Variants in WWOX observed in about 807,000 individuals in gnomAD.
WWOX encodes the protein WW domain-containing oxidoreductase.
WWOX carries 69 observed loss-of-function variants against 46.2 expected under a neutral mutation model. The observed-to-expected ratio is 1.49, with a 90% CI of 1.23 to 1.82. WWOX has a LOEUF of 1.82. WWOX is among the 40% of genes most tolerant of loss of function. WWOX has a pLI of 0.00. For synonymous variants in WWOX, 359 were observed against 202.6 expected (o/e 1.77, Z -6.56); for missense variants, 919 against 542.6 (o/e 1.69, Z -6.89).
At chr16:78,469,824 C>G (rs1325586786) in intron 8 of WWOX, among the ~76,000 whole-genome samples, 1 of 152,184 alleles carries the variant, frequency 6.6e-6, no homozygotes, top group African/African-American at 2.4e-5. Context: ...CCAAGTGACA[C>G]CTAGAGGTGA....
At chr16:78,754,174 C>T (rs1156720471) in intron 8 of WWOX, among the ~76,000 whole-genome samples, 3 of 151,978 alleles carry the variant, frequency 2.0e-5, no homozygotes, top group Non-Finnish European at 4.4e-5. Flanking sequence ...AACTTGGTCC[C>T]TGGGGATGCC....
rs373915768 is a variant in WWOX, at chr16:79,086,136, C to G, written c.1057-125472C>G. The stretch of plus-strand genomic sequence containing the variant: ...ACTAACAGTCAATATTGTGGCTGCT[C>G]TCAATGTTCTTTAAACGGATCACAT... On this transcript the variant is annotated intron_variant, in intron 8 of 8. Transcript: ENST00000566780. Among the ~76,000 whole-genome samples the G allele has an allele frequency of 3.7e-4, 57 of 152,140 alleles. 1 individual carries two copies. In the South Asian group the frequency reaches 0.011, roughly 30 times the overall value.
intron 8 of WWOX, among the ~76,000 whole-genome samples, chr16:78,454,088 A>T (rs2083754193): frequency 6.6e-6 from 1 of 152,094 alleles, no homozygotes; most frequent in Admixed American, 6.6e-5. Context: ...ATACCCAAGA[A>T]ATTCCCCAGC....
chr16:78,928,264 G>T (rs962643096), intron 8 of WWOX, among the ~76,000 whole-genome samples: 7 of 148,154 alleles, frequency 4.7e-5, no homozygotes, highest in African/African-American at 1.8e-4. Flanking sequence ...GTGCAGTGGC[G>T]CGATCTCGGC....
At chr16:78,203,538 A>G (rs949380184) in intron 5 of WWOX, among the ~76,000 whole-genome samples, 2 of 152,216 alleles carry the variant, frequency 1.3e-5, no homozygotes, top group African/African-American at 2.4e-5. Context: ...GAAATAAAAC[A>G]TATTCAATAA....
chr16:79,076,876 G>A (rs2048667182), intron 8 of WWOX, among the ~76,000 whole-genome samples: 1 of 152,236 alleles, frequency 6.6e-6, no homozygotes, highest in African/African-American at 2.4e-5. Context: ...GCTTGTCTTA[G>A]TGTTTATTGT....
At chr16:78,872,918 C>G (rs1428353634) in intron 8 of WWOX, 2 of 152,360 alleles carry the variant, frequency 1.3e-5, no homozygotes, top group African/African-American at 4.8e-5. Flanking sequence ...CCATGTTGAC[C>G]TCCTTTGTAT....
intron 8 of WWOX, among the ~76,000 whole-genome samples, chr16:79,177,848 C>G (rs180964236): frequency 4.9e-4 from 75 of 152,324 alleles, no homozygotes; most frequent in Middle Eastern, 3.4e-3. Flanking sequence ...TTTGTTCAGG[C>G]TGCTATAACA....
At chr16:78,464,797 G>T (rs1567588885) in intron 8 of WWOX, among the ~76,000 whole-genome samples, 1 of 152,046 alleles carries the variant, frequency 6.6e-6, no homozygotes, top group Admixed American at 6.6e-5. Context: ...GTTCTGACCT[G>T]GGGGGAAATG....
At chr16:78,839,978 C>A (rs946753922) in intron 8 of WWOX, among the ~76,000 whole-genome samples, 1 of 152,168 alleles carries the variant, frequency 6.6e-6, no homozygotes. Flanking sequence ...GCTTCATTTT[C>A]CTGATCCTCC....
intron 4 of WWOX, among the ~76,000 whole-genome samples, chr16:78,133,937 A>T (rs1015768677): frequency 2.6e-5 from 4 of 152,244 alleles, no homozygotes; most frequent in Admixed American, 2.0e-4. Context: ...AATGGACTGT[A>T]GATGCCTTCC....
intron 8 of WWOX, among the ~76,000 whole-genome samples, chr16:78,619,361 C>A (rs1177655076): frequency 6.4e-4 from 45 of 70,698 alleles, no homozygotes; most frequent in African/African-American, 8.3e-4. Flanking sequence ...GACGCCATCT[C>A]AAAAAAAAAA....
chr16:78,946,306 C>G (rs147485164), intron 8 of WWOX, among the ~76,000 whole-genome samples: 1 of 152,250 alleles, frequency 6.6e-6, no homozygotes, highest in Non-Finnish European at 1.5e-5. Context: ...TCTCCTGTCT[C>G]AGTCTCCCAA....
At chr16:78,687,493 T>A (rs1415252150) in intron 8 of WWOX, among the ~76,000 whole-genome samples, 1 of 152,206 alleles carries the variant, frequency 6.6e-6, no homozygotes, top group Non-Finnish European at 1.5e-5. Context: ...ATGATGCAGC[T>A]TCTCAGGGCG....
chr16:79,037,976 C>G (rs553056374), intron 8 of WWOX, among the ~76,000 whole-genome samples: 3 of 152,134 alleles, frequency 2.0e-5, no homozygotes, highest in African/African-American at 7.2e-5. Flanking sequence ...CCCTACATAA[C>G]CAGAAAAAGC....
At chr16:78,432,399 C>T (rs758879513) in intron 7 of WWOX, 89 bp from the exon 8 acceptor site, 2 of 1,555,482 alleles carry the variant, frequency 1.3e-6, no homozygotes, top group African/African-American at 1.4e-5. Context: ...AGCCACTGCA[C>T]CCAGCATTCC....
intron 8 of WWOX, among the ~76,000 whole-genome samples, chr16:78,545,362 C>T (rs1206207060): frequency 6.6e-6 from 1 of 151,776 alleles, no homozygotes; most frequent in African/African-American, 2.4e-5. Flanking sequence ...GAGATGGTTC[C>T]TTTTAATCCA....
Position 78,116,927 on chromosome 16 carries a change from A to C in WWOX, c.409+1773A>C, listed in dbSNP as rs192403420. On this transcript the variant is annotated intron_variant, in intron 4 of 8. Coordinates refer to ENST00000566780, the MANE Select transcript of WWOX (RefSeq NM_016373.4). ...TGTGACATTAGATAGCAGACTCTTG[A>C]ATAGAGCTAATGCTCTTTCAAAGAT... Among the ~76,000 whole-genome samples the C allele has an allele frequency of 1.6e-3, 240 of 152,354 alleles. 1 individual carries two copies. Among genetic ancestry groups the C allele is most frequent in the African/African-American group, 5.7e-3 (235 of 41,592 alleles).
chr16:79,013,493 C>A (rs757842470), intron 8 of WWOX, among the ~76,000 whole-genome samples: 4 of 152,188 alleles, frequency 2.6e-5, no homozygotes, highest in Non-Finnish European at 5.9e-5. Context: ...CGCATGTCCC[C>A]CCATGAAGTC....
Sources: gnomAD v4.1 joint callset for allele counts (sites outside exome capture counted in the v4.1 genomes callset) on GRCh38, gnomAD v4.1.1 for gene constraint, MANE v1.5 for transcripts, NCBI Gene and HGNC (gene_info 2026-07-23, HGNC 2026-07-21) for gene names.